The following EIF2B3 variants were observed in gnomAD, a reference collection of about 807,000 sequenced individuals.
The protein encoded by EIF2B3 is translation initiation factor eIF2B subunit gamma.
EIF2B3 carries 20 observed loss-of-function variants against 54.1 expected under a neutral mutation model. The observed-to-expected ratio is 0.37, with a 90% confidence interval of 0.26 to 0.54. The LOEUF (loss-of-function observed/expected upper bound fraction) is 0.54. EIF2B3 is among the 20% of genes least tolerant of loss of function. EIF2B3 has a pLI of 0.86. For synonymous variants in EIF2B3, 153 were observed against 188.1 expected, an observed-to-expected ratio of 0.81 and a Z score of 1.52; for missense variants, 448 against 547.8, an observed-to-expected ratio of 0.82 and a Z score of 1.82.
chr1:44,934,403 AC>A (rs1269292062), intron 4 of EIF2B3, among the ~76,000 whole-genome samples: 1 of 110,984 alleles, frequency 9.0e-6, no homozygotes, highest in Non-Finnish European at 2.1e-5. Flanking sequence ...GTCTCAAAAA[AC>A]AAAACAAAAC....
chr1:44,851,515 T>C (rs1394869171), intron 11 of EIF2B3, among the ~76,000 whole-genome samples: 1 of 152,100 alleles, frequency 6.6e-6, no homozygotes, highest in Non-Finnish European at 1.5e-5. Flanking sequence ...TACCTGGCTG[T>C]GGTGAGGCTT....
chr1:44,965,105 T>C (rs1644323707), intron 3 of EIF2B3, among the ~76,000 whole-genome samples: 2 of 152,190 alleles, frequency 1.3e-5, no homozygotes, highest in Non-Finnish European at 2.9e-5. Flanking sequence ...CACATGGCTC[T>C]AGACATAGGA....
chr1:44,931,115 A>T (rs1448636658), intron 4 of EIF2B3, among the ~76,000 whole-genome samples: 1 of 152,228 alleles, frequency 6.6e-6, no homozygotes, highest in East Asian at 1.9e-4. Context: ...AGGTTACATA[A>T]GATTGTGACT....
Position 44,940,158 on chromosome 1 carries a change from A to G in EIF2B3, c.454+1348T>C, listed in dbSNP as rs368600631. On this transcript the variant is annotated intron_variant, in intron 4 of 11. Coordinates refer to ENST00000360403, the MANE Select transcript of EIF2B3 (RefSeq NM_020365.5). ...CCAAACGTCCTAAAATATTAACTAGATTATTCAAATCCTAAGTATGAAGGC... is the reference window on the plus strand; with the variant it reads ...CCAAACGTCCTAAAATATTAACTAGGTTATTCAAATCCTAAGTATGAAGGC... Among the ~76,000 whole-genome samples the G allele has an allele frequency of 3.3e-5, 5 of 152,212 alleles. No individual in the cohort carries two copies. In the East Asian group the frequency reaches 9.6e-4, roughly 29 times the overall value.
At chr1:44,857,934 C>T in intron 10 of EIF2B3, 127 bp from the exon 11 acceptor site, 1 of 834,004 alleles carries the variant, frequency 1.2e-6, no homozygotes, top group South Asian at 1.4e-5. Flanking sequence ...TGGCTACGTG[C>T]CTCAAGTTAT....
At chr1:44,921,743 T>C (rs1200202358) in intron 5 of EIF2B3, among the ~76,000 whole-genome samples, 1 of 152,274 alleles carries the variant, frequency 6.6e-6, no homozygotes, top group Middle Eastern at 3.4e-3. Flanking sequence ...TCCACTGACC[T>C]ATGTGTCTGT....
At chr1:44,878,332 A>G (rs1364661590) in intron 8 of EIF2B3, among the ~76,000 whole-genome samples, 1 of 151,948 alleles carries the variant, frequency 6.6e-6, no homozygotes, top group Non-Finnish European at 1.5e-5. Context: ...GCACAATCTC[A>G]GCTTACTGCA....
At chr1:44,884,803 C>T (rs1461503508) in intron 6 of EIF2B3, among the ~76,000 whole-genome samples, 1 of 152,136 alleles carries the variant, frequency 6.6e-6, no homozygotes, top group Non-Finnish European at 1.5e-5. Context: ...AAAGAACTGT[C>T]ACTGCAAGAG....
intron 3 of EIF2B3, among the ~76,000 whole-genome samples, chr1:44,950,253 T>C (rs1644145991): frequency 6.6e-6 from 1 of 152,130 alleles, no homozygotes; most frequent in Non-Finnish European, 1.5e-5. Flanking sequence ...CGAGACCTTA[T>C]CTCTACAAAA....
Position 44,943,233 on chromosome 1 carries a change from G to A in EIF2B3, c.295-1568C>T, listed in dbSNP as rs576534018. Among the ~76,000 whole-genome samples, 297 of 150,264 alleles carry A rather than the reference G, an allele frequency of 2.0e-3. 1 individual carries two copies. Among genetic ancestry groups the A allele is most frequent in the Admixed American group, 2.7e-3 (41 of 15,062 alleles). On this transcript the variant is annotated intron_variant, in intron 3 of 11. Coordinates refer to ENST00000360403, the MANE Select transcript of EIF2B3 (RefSeq NM_020365.5). ...GTCTCACTATGTTTCTCACTATGTAGTCCAGGTTGGTCTTGAACTGGTGGG... is the reference window on the plus strand; with the variant it reads ...GTCTCACTATGTTTCTCACTATGTAATCCAGGTTGGTCTTGAACTGGTGGG...
intron 2 of EIF2B3, among the ~76,000 whole-genome samples, chr1:44,979,071 G>A (rs1252574780): frequency 2.0e-5 from 3 of 151,456 alleles, no homozygotes; most frequent in Non-Finnish European, 4.4e-5. Flanking sequence ...CGGATCACTT[G>A]AGCCCTGGAG....
intron 3 of EIF2B3, among the ~76,000 whole-genome samples, chr1:44,951,267 TAG>T (rs1420694540): frequency 6.6e-6 from 1 of 152,194 alleles, no homozygotes; most frequent in Non-Finnish European, 1.5e-5. Context: ...CCAGGCATTA[TAG>T]AGATACAGCA....
At chr1:44,971,127 T>C (rs897098881) in intron 3 of EIF2B3, among the ~76,000 whole-genome samples, 3 of 152,192 alleles carry the variant, frequency 2.0e-5, no homozygotes, top group Non-Finnish European at 2.9e-5. Context: ...CTCACGCCTA[T>C]AATCCCAGCA....
In EIF2B3 at chr1:44,918,627, G is replaced by A. The variant is rs1643675901; in HGVS notation, c.566+8001C>T. The stretch of plus-strand genomic sequence containing the variant: ...GCTGGTTTCAAACTCCTGGCCTCAG[G>A]TGATCCACCTGCCTCTGCCTCCCAA... On this transcript the variant is annotated intron_variant, in intron 5 of 11. Transcript: ENST00000360403. Among the ~76,000 whole-genome samples the A allele has an allele frequency of 2.0e-5, 3 of 151,870 alleles. No individual in the cohort carries two copies. The South Asian group carries it at 6.2e-4, about 32-fold the overall frequency.
chr1:44,927,561 T>C (rs1040315588), intron 4 of EIF2B3, among the ~76,000 whole-genome samples: 3 of 152,186 alleles, frequency 2.0e-5, no homozygotes, highest in African/African-American at 4.8e-5. Context: ...ATCCAAACTA[T>C]ACCAATGAGT....
intron 3 of EIF2B3, among the ~76,000 whole-genome samples, chr1:44,956,321 A>C (rs1644224375): frequency 1.3e-5 from 2 of 152,072 alleles, no homozygotes; most frequent in African/African-American, 4.8e-5. Flanking sequence ...CAATGAGAAC[A>C]CGTGGACATA....
chr1:44,964,693 C>T (rs1193534381), intron 3 of EIF2B3, among the ~76,000 whole-genome samples: 1 of 152,128 alleles, frequency 6.6e-6, no homozygotes, highest in Non-Finnish European at 1.5e-5. Context: ...GTATTATTAT[C>T]CCTACTTTCT....
chr1:44,944,532 C>T (rs1644075597), intron 3 of EIF2B3, among the ~76,000 whole-genome samples: 1 of 151,286 alleles, frequency 6.6e-6, no homozygotes, highest in Non-Finnish European at 1.5e-5. Context: ...GTGTCTTGCA[C>T]CTGTAAGCCA....
At chr1:44,882,062 T>A (rs1319416352) in intron 6 of EIF2B3, among the ~76,000 whole-genome samples, 1 of 152,182 alleles carries the variant, frequency 6.6e-6, no homozygotes, top group Non-Finnish European at 1.5e-5. Context: ...AACTAGCACA[T>A]GTTTTTCAGT....
Sources: gnomAD v4.1 joint callset for allele counts (sites outside exome capture counted in the v4.1 genomes callset) on GRCh38, gnomAD v4.1.1 for gene constraint, MANE v1.5 for transcripts, NCBI Gene and HGNC (gene_info 2026-07-23, HGNC 2026-07-21) for gene names.